Variants in OPCML observed in about 807,000 individuals in gnomAD.
The protein encoded by OPCML is opioid-binding protein/cell adhesion molecule.
A neutral mutation model predicts 37.8 loss-of-function variants in OPCML; 13 were observed. The ratio of observed to expected loss-of-function variants is 0.34; its 90% CI spans 0.22 to 0.55. OPCML has a LOEUF of 0.55. Ranked by LOEUF, OPCML falls within the 20% of genes least tolerant of loss-of-function variation. The pLI is 0.91. For missense variants in OPCML, 341 were observed against 435.6 expected, an observed-to-expected ratio of 0.78 and a Z score of 1.93; for synonymous variants, 176 against 168.8, an observed-to-expected ratio of 1.04 and a Z score of -0.33.
intron 1 of OPCML, among the ~76,000 whole-genome samples, chr11:133,456,950 T>C (rs2136969896): frequency 6.6e-6 from 1 of 152,244 alleles, no homozygotes; most frequent in East Asian, 1.9e-4. Flanking sequence ...AGTGAGGTTA[T>C]TTGAAGAAAT....
chr11:132,974,058 A>G (rs1306694047), intron 1 of OPCML, among the ~76,000 whole-genome samples: 1 of 152,196 alleles, frequency 6.6e-6, no homozygotes, highest in Non-Finnish European at 1.5e-5. Context: ...CCCTCCTCGC[A>G]TAATCACTCA....
At chr11:133,272,547 G>A (rs1029430654) in intron 1 of OPCML, among the ~76,000 whole-genome samples, 1 of 152,094 alleles carries the variant, frequency 6.6e-6, no homozygotes, top group Non-Finnish European at 1.5e-5. Flanking sequence ...GTCCCTTCTG[G>A]CCACGTGAAA....
At chr11:132,790,265 C>A (rs1320988471) in intron 2 of OPCML, among the ~76,000 whole-genome samples, 1 of 152,080 alleles carries the variant, frequency 6.6e-6, no homozygotes, top group Non-Finnish European at 1.5e-5. Flanking sequence ...AGCTTACAGT[C>A]AGATAAAAAC....
At chr11:132,505,192 T>A (rs768600381) in intron 4 of OPCML, among the ~76,000 whole-genome samples, 26 of 152,290 alleles carry the variant, frequency 1.7e-4, no homozygotes, top group Admixed American at 7.8e-4. Flanking sequence ...CAAGGCACCA[T>A]CCACTTACCA....
chr11:133,508,862 G>T (rs1227302494), intron 1 of OPCML, among the ~76,000 whole-genome samples: 1 of 152,162 alleles, frequency 6.6e-6, no homozygotes, highest in East Asian at 1.9e-4. Context: ...TGCTCGGCTT[G>T]CCCCAGCACC....
At chr11:132,949,141 G>A (rs911728334) in intron 1 of OPCML, among the ~76,000 whole-genome samples, 1 of 152,172 alleles carries the variant, frequency 6.6e-6, no homozygotes, top group Non-Finnish European at 1.5e-5. Context: ...AAACTGACAG[G>A]TAGTATCTGC....
In OPCML at chr11:133,194,280, G is replaced by A. The variant is rs1238128323; in HGVS notation, c.62-251270C>T. Among the ~76,000 whole-genome samples, 3 of 144,284 alleles carry A rather than the reference G, an allele frequency of 2.1e-5. 1 individual carries two copies. The highest frequency in any genetic ancestry group is 4.4e-4 in the South Asian group (2 of 4,592). 94.7% of individuals were successfully genotyped at this position (144,284 alleles called of 152,430 possible). On this transcript the variant is annotated intron_variant, in intron 1 of 7. Transcript: ENST00000524381. The stretch of plus-strand genomic sequence containing the variant: ...GCTGGAGTGCAATAGGTGCAATCTC[G>A]GCTCACTGCAACCTCCGCCTCCCAG...
At chr11:133,495,877 T>C (rs1947775517) in intron 1 of OPCML, among the ~76,000 whole-genome samples, 1 of 152,178 alleles carries the variant, frequency 6.6e-6, no homozygotes, top group Non-Finnish European at 1.5e-5. Context: ...GACTGTTCCT[T>C]TTGCCCTGCA....
chr11:133,370,034 G>A (rs1944638210), intron 1 of OPCML, among the ~76,000 whole-genome samples: 1 of 152,108 alleles, frequency 6.6e-6, no homozygotes, highest in African/African-American at 2.4e-5. Flanking sequence ...TATTATAAAT[G>A]ATTTTGCACA....
At chr11:133,246,059 T>A (rs1345118587) in intron 1 of OPCML, among the ~76,000 whole-genome samples, 1 of 151,968 alleles carries the variant, frequency 6.6e-6, no homozygotes, top group African/African-American at 2.4e-5. Flanking sequence ...GCAACCGCCA[T>A]GGCACATGTA....
At chr11:133,387,419 G>A (rs962009820) in intron 1 of OPCML, among the ~76,000 whole-genome samples, 2 of 152,182 alleles carry the variant, frequency 1.3e-5, no homozygotes, top group African/African-American at 2.4e-5. Context: ...GAGTACTTCT[G>A]TGCACACAAA....
At chr11:132,553,678 G>A (rs1010011271) in intron 3 of OPCML, among the ~76,000 whole-genome samples, 2 of 152,190 alleles carry the variant, frequency 1.3e-5, no homozygotes, top group African/African-American at 4.8e-5. Context: ...AAATGTAGAG[G>A]AAGTTTGAAT....
rs55742457 is a variant in OPCML, at chr11:132,794,899, TAAA to T, written c.147-137583_147-137581del. On this transcript the variant is annotated intron_variant, in intron 2 of 7. Transcript: ENST00000524381. ...AACAAAAACATGAAAATATCATGAG[TAAA>T]AAAAAAAAAAAAGAAACTATAAAAG... 4.8e-3 allele frequency among the ~76,000 whole-genome samples: 675 copies of T among 140,708 alleles called. 5 individuals are homozygous for T. Among genetic ancestry groups the T allele is most frequent in the African/African-American group, 0.014 (554 of 39,012 alleles). 92.3% of individuals were successfully genotyped at this position (140,708 alleles called of 152,430 possible). A position where few individuals can be genotyped will look rare whatever the true frequency, so the allele number is the denominator to read the frequency against.
At chr11:133,078,307 G>T (rs150855254) in intron 1 of OPCML, among the ~76,000 whole-genome samples, 179 of 152,270 alleles carry the variant, frequency 1.2e-3, no homozygotes, top group African/African-American at 4.1e-3. Context: ...ACCCAACACA[G>T]TATCACCTAC....
At position 132,418,032 on chromosome 11, in the gene OPCML, A is replaced by G. The variant is rs1173348865; in HGVS notation, c.*2161T>C. 2 of 152,166 alleles carry G rather than the reference A, an allele frequency of 1.3e-5. No individual in the cohort carries two copies. Among genetic ancestry groups the G allele is most frequent in the Non-Finnish European group, 2.9e-5 (2 of 68,028 alleles). 9.4% of individuals were successfully genotyped at this position (152,166 alleles called of 1,614,324 possible). A position where few individuals can be genotyped will look rare whatever the true frequency, so the allele number is the denominator to read the frequency against. Reference sequence around the variant, plus strand: ...TGCTTAGCATTTAGTGTGCCAAGATAGCCTATGTTTGTATGTATGTATATA... The same window carrying G: ...TGCTTAGCATTTAGTGTGCCAAGATGGCCTATGTTTGTATGTATGTATATA... On this transcript the variant is annotated 3_prime_UTR_variant, in exon 8 of 8. Transcript: ENST00000524381.
chr11:132,832,134 A>G (rs1488462963), intron 2 of OPCML, among the ~76,000 whole-genome samples: 6 of 152,034 alleles, frequency 3.9e-5, no homozygotes, highest in Non-Finnish European at 7.4e-5. Flanking sequence ...GTAGTAAAGG[A>G]ATCCCTAGTC....
chr11:133,025,907 G>A (rs761363150), intron 1 of OPCML: 31 of 197,264 alleles, frequency 1.6e-4, no homozygotes, highest in Non-Finnish European at 2.6e-4. Flanking sequence ...CTAATTTTTT[G>A]TATTTTTGGT....
chr11:133,069,000 T>A (rs994631612), intron 1 of OPCML, among the ~76,000 whole-genome samples: 2 of 152,190 alleles, frequency 1.3e-5, no homozygotes, highest in Non-Finnish European at 2.9e-5. Flanking sequence ...TCAGAGAACA[T>A]CATAATTTGG....
At chr11:133,252,949 C>A (rs928673606) in intron 1 of OPCML, among the ~76,000 whole-genome samples, 5 of 152,014 alleles carry the variant, frequency 3.3e-5, no homozygotes, top group Admixed American at 2.6e-4. Flanking sequence ...AGTTCGAGAC[C>A]AGCCTGACCA....
Sources: allele counts gnomAD v4.1 joint callset (sites outside exome capture counted in the v4.1 genomes callset), GRCh38; gene constraint gnomAD v4.1.1; transcripts MANE v1.5; gene names NCBI Gene and HGNC (gene_info 2026-07-23, HGNC 2026-07-21).